The following CSMD3 variants were observed in gnomAD, a reference collection of about 807,000 sequenced individuals.
CSMD3 encodes CUB and Sushi multiple domains 3.
In CSMD3, 177 loss-of-function variants were observed where a neutral mutation model predicts 435.2. The observed-to-expected ratio is 0.41, with a 90% CI of 0.36 to 0.46. The LOEUF (loss-of-function observed/expected upper bound fraction) is 0.46, where lower values mean the gene tolerates loss of function less well. CSMD3 is among the 20% of genes least tolerant of loss of function. CSMD3 has a pLI of 0.34. For synonymous variants in CSMD3, 1,656 were observed against 1,520.5 expected, an observed-to-expected ratio of 1.09 and a Z score of -2.07; for missense variants, 4,265 against 4,504.6, an observed-to-expected ratio of 0.95 and a Z score of 1.52.
At chr8:112,545,824 A>G (rs1032517567) in intron 27 of CSMD3, among the ~76,000 whole-genome samples, 6 of 152,166 alleles carry the variant, frequency 3.9e-5, no homozygotes, top group Non-Finnish European at 5.9e-5. Flanking sequence ...ATTTTAATGA[A>G]CTACTAATAG....
chr8:113,059,763 G>C (rs1394278199), intron 5 of CSMD3, among the ~76,000 whole-genome samples: 6 of 152,094 alleles, frequency 3.9e-5, no homozygotes, highest in Non-Finnish European at 7.4e-5. Flanking sequence ...AAGAAAGGAA[G>C]ACAGAGATTT....
intron 22 of CSMD3, among the ~76,000 whole-genome samples, chr8:112,631,908 A>G (rs2074525960): frequency 6.6e-6 from 1 of 151,976 alleles, no homozygotes; most frequent in African/African-American, 2.4e-5. Context: ...TTAATGGTAA[A>G]CTCTACGATC....
chr8:113,010,458 C>A (rs1270999375), intron 6 of CSMD3, among the ~76,000 whole-genome samples: 1 of 151,670 alleles, frequency 6.6e-6, no homozygotes, highest in East Asian at 1.9e-4. Flanking sequence ...GCAAAATGAT[C>A]TATCATTTTA....
chr8:112,843,892 A>G (rs570182319), intron 11 of CSMD3, among the ~76,000 whole-genome samples: 7 of 151,894 alleles, frequency 4.6e-5, no homozygotes, highest in Non-Finnish European at 7.4e-5. Flanking sequence ...ATTTATATTA[A>G]TATTATTATT....
At chr8:112,845,806 G>T (rs578182025) in intron 11 of CSMD3, among the ~76,000 whole-genome samples, 2 of 152,096 alleles carry the variant, frequency 1.3e-5, no homozygotes, top group East Asian at 3.9e-4. Context: ...CAACTTCAAG[G>T]CATACTAATT....
At chr8:112,688,520 T>C (rs1291710170) in intron 14 of CSMD3, among the ~76,000 whole-genome samples, 1 of 152,148 alleles carries the variant, frequency 6.6e-6, no homozygotes, top group Non-Finnish European at 1.5e-5. Context: ...AATTTCTGTA[T>C]AACTCATGTA....
chr8:112,434,135 T>G (rs1017480629), intron 32 of CSMD3, among the ~76,000 whole-genome samples: 2 of 152,110 alleles, frequency 1.3e-5, no homozygotes, highest in Non-Finnish European at 2.9e-5. Context: ...GAAGTGGTAC[T>G]TGGGAGTAAA....
intron 4 of CSMD3, among the ~76,000 whole-genome samples, chr8:113,136,937 C>A (rs564770450): frequency 3.3e-5 from 5 of 151,736 alleles, no homozygotes; most frequent in East Asian, 1.9e-4. Context: ...AAGAAATATT[C>A]TCTGGATAAA....
At chr8:113,241,408 A>C (rs762070516) in intron 3 of CSMD3, among the ~76,000 whole-genome samples, 9 of 152,064 alleles carry the variant, frequency 5.9e-5, no homozygotes, top group Non-Finnish European at 1.3e-4. Context: ...ATAAGAGAGA[A>C]ATAACAATAG....
At chr8:112,971,140 T>G (rs561684930) in intron 7 of CSMD3, among the ~76,000 whole-genome samples, 1 of 152,326 alleles carries the variant, frequency 6.6e-6, no homozygotes, top group African/African-American at 2.4e-5. Flanking sequence ...ATGTAAGTGT[T>G]TCTCATAATA....
Position 113,225,667 on chromosome 8 carries a change from T to C in CSMD3, c.515-51751A>G, listed in dbSNP as rs554916034. 4.6e-5 allele frequency among the ~76,000 whole-genome samples: 7 copies of C among 151,654 alleles called. No individual in the cohort carries two copies. In the South Asian group the frequency reaches 1.5e-3, roughly 31 times the overall value. Reference sequence around the variant, plus strand: ...TAGACAAATTTCTTTGAGCGCACTCTGCCAAGAACAGTTGGTATGAATGTC... The same window carrying C: ...TAGACAAATTTCTTTGAGCGCACTCCGCCAAGAACAGTTGGTATGAATGTC... On this transcript the variant is annotated intron_variant, in intron 3 of 70. Transcript: ENST00000297405.
At chr8:112,977,712 G>A (rs985531387) in intron 6 of CSMD3, among the ~76,000 whole-genome samples, 2 of 152,044 alleles carry the variant, frequency 1.3e-5, no homozygotes, top group Non-Finnish European at 2.9e-5. Flanking sequence ...AATGAGGTAT[G>A]ACGATTATCA....
Position 112,610,673 on chromosome 8 carries a change from G to C in CSMD3, c.3716-23438C>G, listed in dbSNP as rs7821241. ...CATAAAGCAGGTCTTTTTTCCTAAC[G>C]CTTTGCAAAATGAAAGAAAACAAAT... is the stretch of plus-strand genomic sequence containing the variant. On this transcript the variant is annotated intron_variant, in intron 22 of 70. Transcript: ENST00000297405. 2.3e-4 allele frequency among the ~76,000 whole-genome samples: 35 copies of C among 151,864 alleles called. 1 individual carries two copies. The highest frequency in any genetic ancestry group is 2.0e-3 in the Admixed American group (30 of 15,242).
chr8:112,515,064 A>G (rs1823531168), intron 28 of CSMD3, among the ~76,000 whole-genome samples: 1 of 152,012 alleles, frequency 6.6e-6, no homozygotes, highest in African/African-American at 2.4e-5. Flanking sequence ...TTTTTCTAGA[A>G]TAGGACTTGC....
chr8:113,045,940 A>G (rs1293893312), intron 5 of CSMD3, among the ~76,000 whole-genome samples: 1 of 149,624 alleles, frequency 6.7e-6, no homozygotes. Context: ...CTTTTAGACC[A>G]AAATATCTGG....
intron 5 of CSMD3, among the ~76,000 whole-genome samples, chr8:113,086,874 C>A (rs2089803613): frequency 6.6e-6 from 1 of 152,186 alleles, no homozygotes; most frequent in African/African-American, 2.4e-5. Context: ...AATCAAAGAT[C>A]TTTAATAACT....
At chr8:113,202,078 A>G (rs1365616965) in intron 3 of CSMD3, among the ~76,000 whole-genome samples, 2 of 152,036 alleles carry the variant, frequency 1.3e-5, no homozygotes, top group Non-Finnish European at 2.9e-5. Flanking sequence ...CAAAATTGTA[A>G]ATTTACTGGA....
intron 6 of CSMD3, among the ~76,000 whole-genome samples, chr8:113,004,956 G>T (rs1423508216): frequency 6.6e-6 from 1 of 151,644 alleles, no homozygotes; most frequent in East Asian, 1.9e-4. Context: ...TACTATCATT[G>T]TGTATGCATT....
intron 22 of CSMD3, 79 bp from the exon 23 acceptor site, chr8:112,587,314 T>C: frequency 9.6e-7 from 1 of 1,045,180 alleles, no homozygotes; most frequent in Non-Finnish European, 1.5e-6. Flanking sequence ...TATGGAAGTG[T>C]TATGCATTTT....
Sources: allele counts gnomAD v4.1 joint callset (sites outside exome capture counted in the v4.1 genomes callset), GRCh38; gene constraint gnomAD v4.1.1; transcripts MANE v1.5; gene names NCBI Gene and HGNC (gene_info 2026-07-23, HGNC 2026-07-21).